DNAJC21: variants seen among roughly 807,000 people sequenced by gnomAD.
DNAJC21 encodes the protein DnaJ heat shock protein family (Hsp40) member C21.
Under a neutral mutation model 72.4 loss-of-function variants are expected in DNAJC21, and 63 were observed. That is an observed-to-expected ratio of 0.87 (90% CI 0.71 to 1.07). The LOEUF (loss-of-function observed/expected upper bound fraction) is 1.07, where lower values mean the gene tolerates loss of function less well. DNAJC21 is among the 50% of genes least tolerant of loss of function. DNAJC21 has a pLI of 0.00. For missense variants in DNAJC21, 634 were observed against 644.8 expected (o/e 0.98, Z 0.18); for synonymous variants, 203 against 216.7 (o/e 0.94, Z 0.56).
intron 2 of DNAJC21, 111 bp from the exon 3 acceptor site, chr5:34,935,598 TG>T (rs547941800): frequency 7.6e-4 from 1,041 of 1,370,966 alleles, no homozygotes; most frequent in Non-Finnish European, 9.5e-4. Context: ...GGTTATGGAT[TG>T]GACATATCAA....
intron 1 of DNAJC21, among the ~76,000 whole-genome samples, chr5:34,931,616 C>T (rs1470900785): frequency 2.7e-5 from 4 of 149,632 alleles, no homozygotes; most frequent in African/African-American, 7.7e-5. Flanking sequence ...AATATTAGCC[C>T]AAGGACTGTG....
intron 1 of DNAJC21, among the ~76,000 whole-genome samples, chr5:34,933,535 T>A (rs1764668510): frequency 6.6e-6 from 1 of 152,096 alleles, no homozygotes; most frequent in South Asian, 2.1e-4. Context: ...TTCGGCCTCC[T>A]AAAGTGCTGG....
At chr5:34,945,101 G>A in intron 8 of DNAJC21, 76 bp downstream of exon 8, 1 of 1,531,998 alleles carries the variant, frequency 6.5e-7, no homozygotes, top group Middle Eastern at 2.0e-4. Context: ...TTTTTGAGAT[G>A]GAGAATCACT....
intron 6 of DNAJC21, among the ~76,000 whole-genome samples, chr5:34,940,880 T>G (rs532584785): frequency 6.6e-6 from 1 of 152,346 alleles, no homozygotes; most frequent in African/African-American, 2.4e-5. Flanking sequence ...TTATATCTTC[T>G]TCTAAGTAGA....
At chr5:34,948,165 G>T (rs376889251) in intron 9 of DNAJC21, among the ~76,000 whole-genome samples, 11 of 152,292 alleles carry the variant, frequency 7.2e-5, no homozygotes, top group African/African-American at 2.6e-4. Context: ...GAGTTGGATT[G>T]AAGTGGAGAT....
chr5:34,952,319 A>T, intron 10 of DNAJC21: 9 of 888,730 alleles, frequency 1.0e-5, no homozygotes, highest in Non-Finnish European at 1.2e-5. Flanking sequence ...GTTGCCTTTT[A>T]TGCCATTGTG....
At chr5:34,932,159 A>T (rs967676376) in intron 1 of DNAJC21, among the ~76,000 whole-genome samples, 4 of 152,110 alleles carry the variant, frequency 2.6e-5, no homozygotes, top group African/African-American at 9.7e-5. Flanking sequence ...GGTGACTCAC[A>T]CCTGTAATCC....
Position 34,957,281 on chromosome 5 carries a change from G to A in DNAJC21, c.*2567G>A, listed in dbSNP as rs940253319. ...CATCTTGATTGAAGTTAGCTCAGATGTGGAGATTCATAGAATGAGGGTCCA... is the reference window on the plus strand; with the variant it reads ...CATCTTGATTGAAGTTAGCTCAGATATGGAGATTCATAGAATGAGGGTCCA... On this transcript the variant is annotated 3_prime_UTR_variant, in exon 12 of 12. Transcript: ENST00000648817. 11 of 152,212 alleles carry A rather than the reference G, an allele frequency of 7.2e-5. No individual in the cohort carries two copies. The highest frequency in any genetic ancestry group is 8.8e-5 in the Non-Finnish European group (6 of 68,040). The allele number at this position is 152,212 out of a possible 1,614,324, so 9.4% of individuals were successfully genotyped here. A position where few individuals can be genotyped will look rare whatever the true frequency, so the allele number is the denominator to read the frequency against.
At chr5:34,948,838 C>A (rs1561190667) in intron 9 of DNAJC21, among the ~76,000 whole-genome samples, 1 of 151,714 alleles carries the variant, frequency 6.6e-6, no homozygotes, top group Non-Finnish European at 1.5e-5. Flanking sequence ...GCACTCCAGC[C>A]TGGGCAACAG....
In DNAJC21 at chr5:34,936,260, T is replaced by C; in HGVS notation, c.432T>C (p.Tyr144=). ...FPTFGDSQSD[Y]DTVVHPFYAY... is the part of the protein sequence containing the mutation. ...CTTTTGGAGACTCCCAGAGTGACTA[T>C]GATACGGTAAAATAAAAATGCATTG... Residue 144 remains tyrosine (Y), a synonymous_variant, in exon 4 of 12, where the codon TAT becomes TAC. Transcript: ENST00000648817. The C allele has an allele frequency of 6.2e-7, 1 of 1,607,600 alleles. No homozygotes were observed.
chr5:34,943,395 G>A (rs186581157), intron 7 of DNAJC21, among the ~76,000 whole-genome samples: 10 of 152,224 alleles, frequency 6.6e-5, no homozygotes, highest in Admixed American at 5.2e-4. Flanking sequence ...GAGGGACGCC[G>A]CACAAGCATG....
chr5:34,954,150 T>C, intron 11 of DNAJC21, 149 bp downstream of exon 11: 1 of 626,862 alleles, frequency 1.6e-6, no homozygotes, highest in Non-Finnish European at 2.6e-6. Flanking sequence ...TGATATAATG[T>C]ATCTTTTTTT....
At chr5:34,941,960 G>A (rs1185583665) in intron 7 of DNAJC21, among the ~76,000 whole-genome samples, 1 of 151,908 alleles carries the variant, frequency 6.6e-6, no homozygotes, top group Non-Finnish European at 1.5e-5. Flanking sequence ...ATACTGTCTC[G>A]GGGGATTCCT....
chr5:34,935,579 A>C, intron 2 of DNAJC21, 131 bp from the exon 3 acceptor site: 1 of 1,026,272 alleles, frequency 9.7e-7, no homozygotes, highest in South Asian at 1.6e-5. Flanking sequence ...TATTTCATTA[A>C]AAATTTTTGG....
chr5:34,954,578 G>A lies in DNAJC21; in HGVS notation c.1460G>A (p.Cys487Tyr). Residue 487 changes from cysteine (C) to tyrosine (Y), a missense_variant, in exon 12 of 12, where the codon TGC becomes TAC. Coordinates refer to ENST00000648817, the MANE Select transcript of DNAJC21 (RefSeq NM_001012339.3). ...TMSVLISCTT[C>Y]HSEFPSRNKL... ...AGTGTTCTTATCAGCTGTACAACCT[G>A]CCATAGTGAATTTCCATCTCGGAAT... The A allele has an allele frequency of 6.2e-7, 1 of 1,612,554 alleles. No individual in the cohort carries two copies. The highest frequency in any genetic ancestry group is 8.5e-7 in the Non-Finnish European group (1 of 1,179,436).
intron 9 of DNAJC21, chr5:34,949,761 G>C (rs1765298231): frequency 6.3e-7 from 1 of 1,576,900 alleles, no homozygotes; most frequent in Admixed American, 1.8e-5. Flanking sequence ...TAGAAGAATA[G>C]TTGCTCATTG....
intron 10 of DNAJC21, 179 bp from the exon 11 acceptor site, chr5:34,953,747 G>T: frequency 2.3e-6 from 1 of 438,900 alleles, no homozygotes. Flanking sequence ...TTTGATTTCT[G>T]AAGTTGCTTT....
chr5:34,931,813 G>T (rs1423506620), intron 1 of DNAJC21, among the ~76,000 whole-genome samples: 1 of 152,176 alleles, frequency 6.6e-6, no homozygotes, highest in Non-Finnish European at 1.5e-5. Flanking sequence ...AGCGCAAGGG[G>T]AGGAGATGTT....
At chr5:34,933,664 T>G (rs1764673586) in intron 1 of DNAJC21, 151 bp from the exon 2 acceptor site, 1 of 565,582 alleles carries the variant, frequency 1.8e-6, no homozygotes, top group Admixed American at 3.3e-5. Flanking sequence ...ATCCTGATTA[T>G]TGACTGTTAC....
Sources: allele counts gnomAD v4.1 joint callset (sites outside exome capture counted in the v4.1 genomes callset), GRCh38; gene constraint gnomAD v4.1.1; transcripts MANE v1.5; gene names NCBI Gene and HGNC (gene_info 2026-07-23, HGNC 2026-07-21).